The following COL4A1 variants were observed in gnomAD, a reference collection of about 807,000 sequenced individuals.
The protein encoded by COL4A1 is collagen alpha-1(IV) chain.
In COL4A1, 40 loss-of-function variants were observed where a neutral mutation model predicts 216.6. The observed-to-expected ratio is 0.18, with a 90% CI of 0.14 to 0.24. The LOEUF is 0.24. Among genes scored for constraint, COL4A1 ranks in the 10% least tolerant of loss-of-function variants. The pLI is 1.00. For missense variants in COL4A1, 1,628 were observed against 2,196.8 expected (o/e 0.74, Z 5.18); for synonymous variants, 839 against 810.7 (o/e 1.03, Z -0.59).
intron 46 of COL4A1, 26 bp downstream of exon 46, chr13:110,164,831 ATACCG>A: frequency 6.2e-7 from 1 of 1,612,408 alleles, no homozygotes; most frequent in Non-Finnish European, 8.5e-7. Context: ...TGGGCTCCCC[ATACCG>A]CCCTGCACAG....
At chr13:110,257,454 T>C (rs1190780197) in intron 1 of COL4A1, among the ~76,000 whole-genome samples, 2 of 152,204 alleles carry the variant, frequency 1.3e-5, no homozygotes, top group Admixed American at 1.3e-4. Flanking sequence ...AAGTGCTACT[T>C]CCAAAGGACC....
chr13:110,254,992 G>A (rs1008882866), intron 1 of COL4A1, among the ~76,000 whole-genome samples: 2 of 152,218 alleles, frequency 1.3e-5, no homozygotes, highest in African/African-American at 4.8e-5. Context: ...GGAGCTTGCT[G>A]GTTAAGAGGA....
intron 1 of COL4A1, chr13:110,305,732 G>A (rs1371134059): frequency 6.6e-6 from 1 of 152,234 alleles, no homozygotes; most frequent in Non-Finnish European, 1.5e-5. Context: ...TCAATACCCA[G>A]TGGAGAAGCT....
rs192207562 is a variant in COL4A1, at chr13:110,199,107, T to C, written c.1121-476A>G. Among the ~76,000 whole-genome samples the C allele has an allele frequency of 2.6e-5, 4 of 152,248 alleles. No individual in the cohort carries two copies. The East Asian group carries it at 7.7e-4, about 29-fold the overall frequency. ...AAAGGGTTTGAAGTCAGAGTAGCCA[T>C]TAGGTGTGAACATATCAGGTCAGGT... On this transcript the variant is annotated intron_variant, in intron 20 of 51. Transcript: ENST00000375820.
intron 21 of COL4A1, among the ~76,000 whole-genome samples, chr13:110,195,953 C>G (rs1036446690): frequency 1.3e-5 from 2 of 152,156 alleles, no homozygotes; most frequent in African/African-American, 4.8e-5. Flanking sequence ...CGCCCTGAGT[C>G]CCAGACTATA....
At chr13:110,203,496 T>C (rs1182507940) in intron 18 of COL4A1, 70 bp downstream of exon 18, 2 of 1,571,060 alleles carry the variant, frequency 1.3e-6, no homozygotes, top group African/African-American at 1.4e-5. Flanking sequence ...CCCAGTGCTC[T>C]CACAGACCCA....
At chr13:110,267,294 C>T (rs906658472) in intron 1 of COL4A1, among the ~76,000 whole-genome samples, 3 of 152,162 alleles carry the variant, frequency 2.0e-5, no homozygotes, top group Non-Finnish European at 2.9e-5. Flanking sequence ...GACGGAGCTA[C>T]GCACACTTTC....
At chr13:110,199,873 A>G (rs574430) in intron 20 of COL4A1, among the ~76,000 whole-genome samples, 55,527 of 151,988 alleles carry the variant, frequency 0.37, 10,308 homozygotes, top group East Asian at 0.48. Context: ...CCAAGAATTA[A>G]GAAGAGACAA....
intron 2 of COL4A1, among the ~76,000 whole-genome samples, chr13:110,219,128 C>A (rs1301490930): frequency 1.3e-5 from 2 of 152,194 alleles, no homozygotes; most frequent in East Asian, 3.9e-4. Context: ...CCGCCGGGAG[C>A]TCCCTCCACA....
intron 1 of COL4A1, among the ~76,000 whole-genome samples, chr13:110,254,998 G>A (rs1882446117): frequency 6.6e-6 from 1 of 152,246 alleles, no homozygotes; most frequent in Non-Finnish European, 1.5e-5. Flanking sequence ...TGCTGGTTAA[G>A]AGGAGAGAAG....
rs1249255276 is a variant in COL4A1 at position 110,164,931 on chromosome 13, G to A, written c.4081C>T (p.Leu1361Phe). 1 of 1,605,332 alleles carries A rather than the reference G, an allele frequency of 6.2e-7. No individual in the cohort carries two copies. The highest frequency in any genetic ancestry group is 8.5e-7 in the Non-Finnish European group (1 of 1,176,124). ...CCTGGGGGGCCCTCAGGACCAGGGAGCCCGGGCTCCCCTTTGATGATGTCG... is the reference window on the plus strand; with the variant it reads ...CCTGGGGGGCCCTCAGGACCAGGGAACCCGGGCTCCCCTTTGATGATGTCG... ...PYDIIKGEPG[L>F]PGPEGPPGLK... Residue 1361 changes from leucine to phenylalanine, a missense_variant, in exon 46 of 52, where the codon CTC (leucine) becomes TTC (phenylalanine). Physicochemically the swap from Leu to Phe is conservative, Grantham distance 22. Coordinates refer to ENST00000375820, the MANE Select transcript of COL4A1 (RefSeq NM_001845.6).
chr13:110,212,042 C>T, intron 6 of COL4A1, 120 bp from the exon 7 acceptor site: 2 of 1,084,162 alleles, frequency 1.8e-6, no homozygotes, highest in Non-Finnish European at 2.9e-6. Context: ...TTCCTAAAAA[C>T]AGTTTGTCAC....
At position 110,242,696 on chromosome 13, in the gene COL4A1, G is replaced by A; in HGVS notation, c.123C>T (p.Cys41=). The part of the protein sequence containing the change: ...CAGSGCGKCD[C]HGVKGQKGER... ...TCACCTTTTGTCCCTTCACTCCATG[G>A]CAGTCACATTTGCCACAGCCAGAGC... The change falls in exon 2 of 52, where the codon TGC becomes TGT. Residue 41 remains cysteine, a synonymous_variant. Coordinates refer to ENST00000375820, the MANE Select transcript of COL4A1 (RefSeq NM_001845.6). 1 of 1,614,168 alleles carries A rather than the reference G, an allele frequency of 6.2e-7. No homozygotes were observed.
At chr13:110,214,390 C>T (rs1020011360) in intron 2 of COL4A1, among the ~76,000 whole-genome samples, 6 of 152,130 alleles carry the variant, frequency 3.9e-5, no homozygotes, top group East Asian at 1.9e-4. Flanking sequence ...ACGCCTGGCC[C>T]GTGATGCCTA....
intron 1 of COL4A1, among the ~76,000 whole-genome samples, chr13:110,274,047 C>T (rs1415893149): frequency 6.6e-6 from 1 of 152,082 alleles, no homozygotes; most frequent in Non-Finnish European, 1.5e-5. Context: ...CTGTATTGTG[C>T]ATTTGCTTAT....
chr13:110,191,052 A>T (rs2139177736), intron 24 of COL4A1: 1 of 152,324 alleles, frequency 6.6e-6, no homozygotes, highest in East Asian at 1.9e-4. Flanking sequence ...TCTGTCTTTG[A>T]TCCCCACTAC....
intron 39 of COL4A1, 150 bp from the exon 40 acceptor site, chr13:110,174,148 A>C (rs1464341714): frequency 1.1e-6 from 1 of 921,664 alleles, no homozygotes; most frequent in African/African-American, 1.6e-5. Context: ...ACTTCCCTTC[A>C]GAAAGGACCC....
rs772306069 is a variant in COL4A1, at chr13:110,306,935, G to C, written c.84+9C>G. ...GGGACGCCGGGAGCGGAGCTGGCCGGGAACTCACCTTCGCAGCGGCCCGGC... is the reference window on the plus strand; with the variant it reads ...GGGACGCCGGGAGCGGAGCTGGCCGCGAACTCACCTTCGCAGCGGCCCGGC... On this transcript the variant is annotated intron_variant, in intron 1 of 51. Transcript: ENST00000375820. 8.8e-5 allele frequency: 129 copies of C among 1,468,794 alleles called. No homozygotes were observed. Among genetic ancestry groups the C allele is most frequent in the Non-Finnish European group, 1.1e-4 (127 of 1,114,546 alleles). 91.0% of individuals were successfully genotyped at this position (1,468,794 alleles called of 1,614,324 possible).
intron 10 of COL4A1, 28 bp downstream of exon 10, chr13:110,209,952 C>T: frequency 1.2e-6 from 2 of 1,612,194 alleles, no homozygotes; most frequent in African/African-American, 1.3e-5. Flanking sequence ...TAAATGATTG[C>T]CTCGGAGAGA....
Sources: allele counts gnomAD v4.1 joint callset (sites outside exome capture counted in the v4.1 genomes callset), GRCh38; gene constraint gnomAD v4.1.1; transcripts MANE v1.5; gene names NCBI Gene and HGNC (gene_info 2026-07-23, HGNC 2026-07-21).